BRIP1: variants seen among roughly 807,000 people sequenced by gnomAD.
BRIP1 encodes the protein Fanconi anemia group J protein.
BRIP1 carries 88 observed loss-of-function variants against 119.7 expected under a neutral mutation model. The observed-to-expected ratio is 0.74, with a 90% CI of 0.62 to 0.88. The LOEUF is 0.88. BRIP1 is among the 40% of genes least tolerant of loss of function. The pLI is 0.00. For synonymous variants in BRIP1, 443 were observed against 496.5 expected, an observed-to-expected ratio of 0.89 and a Z score of 1.43; for missense variants, 1,259 against 1,455.4, an observed-to-expected ratio of 0.87 and a Z score of 2.20.
intron 6 of BRIP1, among the ~76,000 whole-genome samples, chr17:61,817,028 G>A (rs1356381733): frequency 6.6e-6 from 1 of 152,174 alleles, no homozygotes; most frequent in Non-Finnish European, 1.5e-5. Context: ...AAAGGAAAAT[G>A]TACCTTTACA....
Position 61,776,114 on chromosome 17 carries a change from T to C in BRIP1, c.2097+287A>G. 1 of 387,030 alleles carries C rather than the reference T, an allele frequency of 2.6e-6. No individual in the cohort carries two copies. The highest frequency in any genetic ancestry group is 4.9e-6 in the Non-Finnish European group (1 of 206,060). 24.0% of individuals were successfully genotyped at this position (387,030 alleles called of 1,614,324 possible). A position where few individuals can be genotyped will look rare whatever the true frequency, so the allele number is the denominator to read the frequency against. On this transcript the variant is annotated intron_variant, in intron 14 of 19. Transcript: ENST00000259008. The surrounding 1 kb of genome is among the most constrained non-coding windows in gnomAD (Gnocchi z 5.0). ...CCAGGCTGGTCTCGAACTCCTGGGC[T>C]CAAGTGATCCTCCCAGCTCAGCCTC...
rs2078779238 is a variant in BRIP1 at position 61,849,191 on chromosome 17, C to T, written c.445G>A (p.Asp149Asn). 6.2e-7 allele frequency: 1 copy of T among 1,612,570 alleles called. No individual in the cohort carries two copies. The highest frequency in any genetic ancestry group is 8.5e-7 in the Non-Finnish European group (1 of 1,178,796). Residue 149 changes from aspartate to asparagine, a missense_variant, in exon 5 of 20, where the codon GAT becomes AAT. Asp to Asn is a conservative substitution (Grantham distance 23). Transcript: ENST00000259008. ...TCTACTTGAAAATCATCATTTTCAT[C>T]TCTGTATATGGATGCCTGTTTCTTA... is the stretch of plus-strand genomic sequence containing the variant. ...SAKKQASIYR[D>N]ENDDFQVEKK...
rs901596818 is a variant in BRIP1 at position 61,851,490 on chromosome 17, A to T, written c.380-2234T>A. Among the ~76,000 whole-genome samples, 2 of 152,062 alleles carry T rather than the reference A, an allele frequency of 1.3e-5. No homozygotes were observed. The highest frequency in any genetic ancestry group is 2.9e-5 in the Non-Finnish European group (2 of 68,014). The stretch of plus-strand genomic sequence containing the variant: ...CAATTTCAATTTTTTCCATATGGAC[A>T]TCTAACAGGCCTAGCACCACCCAAG... On this transcript the variant is annotated intron_variant, in intron 4 of 19. Transcript: ENST00000259008. This position sits in a 1 kb window ranked among gnomAD's most constrained non-coding sequence, Gnocchi z 4.6.
At chr17:61,750,075 G>A (rs2077111710) in intron 14 of BRIP1, among the ~76,000 whole-genome samples, 1 of 152,114 alleles carries the variant, frequency 6.6e-6, no homozygotes, top group Non-Finnish European at 1.5e-5. Context: ...TACAGAAATG[G>A]CAAGAGTGGG....
In BRIP1 at chr17:61,828,793, C is replaced by A. The variant is rs1471136005; in HGVS notation, c.627+18308G>T. 2.0e-5 allele frequency among the ~76,000 whole-genome samples: 3 copies of A among 152,042 alleles called. No homozygotes were observed. The highest frequency in any genetic ancestry group is 4.4e-5 in the Non-Finnish European group (3 of 67,998). On this transcript the variant is annotated intron_variant, in intron 6 of 19. Coordinates refer to ENST00000259008, the MANE Select transcript of BRIP1 (RefSeq NM_032043.3). This position sits in a 1 kb window ranked among gnomAD's most constrained non-coding sequence, Gnocchi z 4.1. ...TAAAAATAACAAAACACTGTGAGGG[C>A]TATGACAAATGTAGAAGTAAAATAT... is the stretch of plus-strand genomic sequence containing the variant.
Position 61,847,273 on chromosome 17 carries a change from C to G in BRIP1, c.508-53G>C, listed in dbSNP as rs200901749. On this transcript the variant is annotated intron_variant, in intron 5 of 19. Coordinates refer to ENST00000259008, the MANE Select transcript of BRIP1 (RefSeq NM_032043.3). ...TAAGGTGAACTAGAAGTTTAACTGG[C>G]TAGTTGTTCTCAAAGGCCAAAACAG... The G allele has an allele frequency of 1.0e-3, 1,652 of 1,603,580 alleles. 24 individuals carry two copies. The South Asian group carries it at 0.014, about 14-fold the overall frequency.
chr17:61,736,619 C>A lies in BRIP1; in HGVS notation c.2379+6394G>T, dbSNP rs943705960. ...AGTCTCCAGGAATGGAGAGTGGTTG[C>A]TGTTGTTTTTAAAAACAAATAACAA... On this transcript the variant is annotated intron_variant, in intron 16 of 19. Coordinates refer to ENST00000259008, the MANE Select transcript of BRIP1 (RefSeq NM_032043.3). The surrounding 1 kb of genome is among the most constrained non-coding windows in gnomAD (Gnocchi z 4.4). 6.6e-6 allele frequency among the ~76,000 whole-genome samples: 1 copy of A among 152,112 alleles called. No individual in the cohort carries two copies. Among genetic ancestry groups the A allele is most frequent in the African/African-American group, 2.4e-5 (1 of 41,436 alleles).
In BRIP1 at chr17:61,822,847, A is replaced by G. The variant is rs554695293; in HGVS notation, c.628-14090T>C. Among the ~76,000 whole-genome samples, 2 of 152,276 alleles carry G rather than the reference A, an allele frequency of 1.3e-5. No homozygotes were observed. Among genetic ancestry groups the G allele is most frequent in the South Asian group, 4.1e-4 (2 of 4,828 alleles). On this transcript the variant is annotated intron_variant, in intron 6 of 19. Transcript: ENST00000259008. The surrounding 1 kb of genome is among the most constrained non-coding windows in gnomAD (Gnocchi z 4.4). ...AAAGGTGGGACGGTTCCAAATGACA[A>G]CGAAGTCCCATGTGTAGTGGTGCTG...
rs1382485323 is a variant in BRIP1 at position 61,827,245 on chromosome 17, GA to G, written c.628-18489del. Among the ~76,000 whole-genome samples, 1 of 152,076 alleles carries G rather than the reference GA, an allele frequency of 6.6e-6. No homozygotes were observed. On this transcript the variant is annotated intron_variant, in intron 6 of 19. Coordinates refer to ENST00000259008, the MANE Select transcript of BRIP1 (RefSeq NM_032043.3). The surrounding 1 kb of genome is among the most constrained non-coding windows in gnomAD (Gnocchi z 5.8). ...TGAGAACATATGGAAACATAAAGGGGAAAAACACACAATGGGGCCTATCAGA... is the reference window on the plus strand; with the variant it reads ...TGAGAACATATGGAAACATAAAGGGGAAAACACACAATGGGGCCTATCAGA...
rs1203695761 is a variant in BRIP1, at chr17:61,846,252, G to C, written c.627+849C>G. Reference sequence around the variant, plus strand: ...AGAGAGAGAGAGAGAGAAAAAGAGAGAGAGAGAGAAAGAGAGAGAGAGAGA... The same window carrying C: ...AGAGAGAGAGAGAGAGAAAAAGAGACAGAGAGAGAAAGAGAGAGAGAGAGA... On this transcript the variant is annotated intron_variant, in intron 6 of 19. Coordinates refer to ENST00000259008, the MANE Select transcript of BRIP1 (RefSeq NM_032043.3). The surrounding 1 kb of genome is among the most constrained non-coding windows in gnomAD (Gnocchi z 4.3). 1.3e-5 allele frequency among the ~76,000 whole-genome samples: 2 copies of C among 149,170 alleles called. No individual in the cohort carries two copies. The highest frequency in any genetic ancestry group is 5.1e-5 in the African/African-American group (2 of 39,022).
At chr17:61,847,673 G>A (rs561116135) in intron 5 of BRIP1, among the ~76,000 whole-genome samples, 15 of 152,048 alleles carry the variant, frequency 9.9e-5, no homozygotes, top group Admixed American at 3.3e-4. Context: ...TAAATTACTC[G>A]ATTACTATTA....
rs1235976412 is a variant in BRIP1 at position 61,725,210 on chromosome 17, C to T, written c.2380-9147G>A. On this transcript the variant is annotated intron_variant, in intron 16 of 19. Coordinates refer to ENST00000259008, the MANE Select transcript of BRIP1 (RefSeq NM_032043.3). This position sits in a 1 kb window ranked among gnomAD's most constrained non-coding sequence, Gnocchi z 5.3. ...CTGCCAAGAGTTAAGAAGCCAGGCT[C>T]CCTTTTAAATAAGAATAATAATGAT... Among the ~76,000 whole-genome samples, 1 of 151,846 alleles carries T rather than the reference C, an allele frequency of 6.6e-6. No homozygotes were observed. Among genetic ancestry groups the T allele is most frequent in the Non-Finnish European group, 1.5e-5 (1 of 67,988 alleles).
Position 61,685,981 on chromosome 17 carries a change from AG to A in BRIP1, c.2759del (p.Pro920LeufsTer65). On this transcript the variant is annotated frameshift_variant, in exon 19 of 20. Transcript: ENST00000259008. LOFTEE classifies it high-confidence loss of function. ...GATGACTTGCTGCTTCCAGTAAATA[AG>A]GTGAGGTACTGTACTTTAAAGAGGT... is the stretch of plus-strand genomic sequence containing the variant. ...EVTSLKYSTS[P>X]YLLEAASHLS... The A allele has an allele frequency of 6.2e-7, 1 of 1,614,046 alleles. No individual in the cohort carries two copies. Among genetic ancestry groups the A allele is most frequent in the Non-Finnish European group, 8.5e-7 (1 of 1,179,946 alleles).
chr17:61,695,394 GTA>G lies in BRIP1; in HGVS notation c.2493-1884_2493-1883del, dbSNP rs2061505720. ...ACATAGTCTTGATTATTGTAGCTTT[GTA>G]GTAAGTTTGAAATAGAAAACTGTTT... On this transcript the variant is annotated intron_variant, in intron 17 of 19. Transcript: ENST00000259008. This position sits in a 1 kb window ranked among gnomAD's most constrained non-coding sequence, Gnocchi z 4.3. 6.6e-6 allele frequency among the ~76,000 whole-genome samples: 1 copy of G among 152,128 alleles called. No homozygotes were observed. Among genetic ancestry groups the G allele is most frequent in the Non-Finnish European group, 1.5e-5 (1 of 67,972 alleles).
At position 61,861,626 on chromosome 17, in the gene BRIP1, G is replaced by T; in HGVS notation, c.-30-57C>A. On this transcript the variant is annotated intron_variant, in intron 1 of 19. Coordinates refer to ENST00000259008, the MANE Select transcript of BRIP1 (RefSeq NM_032043.3). This position sits in a 1 kb window ranked among gnomAD's most constrained non-coding sequence, Gnocchi z 4.5. ...GACACGCCTTACAAAGAAAACCAGAGAACCAAAACTAAGGGAGAAATCTGG... is the reference window on the plus strand; with the variant it reads ...GACACGCCTTACAAAGAAAACCAGATAACCAAAACTAAGGGAGAAATCTGG... The T allele has an allele frequency of 1.0e-6, 1 of 953,860 alleles. No homozygotes were observed. The highest frequency in any genetic ancestry group is 1.7e-6 in the Non-Finnish European group (1 of 589,292). 59.1% of individuals were successfully genotyped at this position (953,860 alleles called of 1,614,324 possible). A position where few individuals can be genotyped will look rare whatever the true frequency, so the allele number is the denominator to read the frequency against.
rs2078381067 is a variant in BRIP1 at position 61,824,892 on chromosome 17, C to T, written c.628-16135G>A. Among the ~76,000 whole-genome samples, 2 of 152,198 alleles carry T rather than the reference C, an allele frequency of 1.3e-5. No homozygotes were observed. Among genetic ancestry groups the T allele is most frequent in the African/African-American group, 4.8e-5 (2 of 41,452 alleles). On this transcript the variant is annotated intron_variant, in intron 6 of 19. Coordinates refer to ENST00000259008, the MANE Select transcript of BRIP1 (RefSeq NM_032043.3). The surrounding 1 kb of genome is among the most constrained non-coding windows in gnomAD (Gnocchi z 4.3). ...GGAATACATAAAGAACTTCCACCAACTCAACAACGACAAAAGCAATCCAAT... is the reference window on the plus strand; with the variant it reads ...GGAATACATAAAGAACTTCCACCAATTCAACAACGACAAAAGCAATCCAAT...
At position 61,781,016 on chromosome 17, in the gene BRIP1, A is replaced by G. The variant is rs375710640; in HGVS notation, c.1629-11T>C. ...TAATCATCTGCAAATCTAGATGCAA[A>G]GAAAGTGCTAATTAAGTGGCAAAAC... On this transcript the variant is annotated splice_polypyrimidine_tract_variant and intron_variant, in intron 11 of 19. Transcript: ENST00000259008. 82 of 1,613,290 alleles carry G rather than the reference A, an allele frequency of 5.1e-5. No homozygotes were observed. The highest frequency in any genetic ancestry group is 1.3e-5 in the African/African-American group (1 of 74,934).
intron 11 of BRIP1, among the ~76,000 whole-genome samples, chr17:61,782,962 A>T (rs2077646489): frequency 6.6e-6 from 1 of 152,240 alleles, no homozygotes; most frequent in Non-Finnish European, 1.5e-5. Flanking sequence ...AAAATAATGC[A>T]GTTGCTGTGA....
Position 61,770,033 on chromosome 17 carries a change from C to T in BRIP1, c.2097+6368G>A, listed in dbSNP as rs967682787. On this transcript the variant is annotated intron_variant, in intron 14 of 19. Coordinates refer to ENST00000259008, the MANE Select transcript of BRIP1 (RefSeq NM_032043.3). This position sits in a 1 kb window ranked among gnomAD's most constrained non-coding sequence, Gnocchi z 4.7. ...GGAAAAAAACAACCATTTTGAAATA[C>T]GTTCAACGCATTCTCTAAAACAATG... Among the ~76,000 whole-genome samples the T allele has an allele frequency of 2.0e-5, 3 of 152,188 alleles. No homozygotes were observed. Among genetic ancestry groups the T allele is most frequent in the African/African-American group, 7.2e-5 (3 of 41,458 alleles).
Sources: gnomAD v4.1 joint callset for allele counts (sites outside exome capture counted in the v4.1 genomes callset) on GRCh38, gnomAD v4.1.1 for gene constraint, Gnocchi (gnomAD v3.1) non-coding constraint, MANE v1.5 for transcripts, NCBI Gene and HGNC (gene_info 2026-07-23, HGNC 2026-07-21) for gene names.